The following CHCHD6 variants were observed in gnomAD, a reference collection of about 807,000 sequenced individuals.
The protein encoded by CHCHD6 is MICOS complex subunit MIC25.
Under a neutral mutation model 32.3 loss-of-function variants are expected in CHCHD6, and 28 were observed. That is an observed-to-expected ratio of 0.87 (90% CI 0.64 to 1.19). The LOEUF (loss-of-function observed/expected upper bound fraction) is 1.19, where lower values mean the gene tolerates loss of function less well. Among genes scored for constraint, CHCHD6 ranks in the 50% most tolerant of loss-of-function variants. CHCHD6 has a pLI of 0.00. For synonymous variants in CHCHD6, 122 were observed against 117.5 expected, an observed-to-expected ratio of 1.04 and a Z score of -0.25; for missense variants, 333 against 307.0, an observed-to-expected ratio of 1.08 and a Z score of -0.63.
chr3:126,883,219 A>G (rs907960957), intron 5 of CHCHD6, among the ~76,000 whole-genome samples: 7 of 151,972 alleles, frequency 4.6e-5, no homozygotes, highest in Non-Finnish European at 1.0e-4. Context: ...GAACTGGTAC[A>G]CCTCTGTGTT....
chr3:126,756,548 G>A lies in CHCHD6; in HGVS notation c.411+23326G>A, dbSNP rs543518886. 1.4e-4 allele frequency among the ~76,000 whole-genome samples: 21 copies of A among 152,192 alleles called. No individual in the cohort carries two copies. In the South Asian group the frequency reaches 3.7e-3, roughly 27 times the overall value. On this transcript the variant is annotated intron_variant, in intron 4 of 7. Transcript: ENST00000290913. ...CAGGATTGCCTCCCTTTATAAATCC[G>A]GGTCTCCCTACTCTGTCATACCCAC...
chr3:126,799,115 G>A (rs1478292593), intron 4 of CHCHD6, among the ~76,000 whole-genome samples: 1 of 152,182 alleles, frequency 6.6e-6, no homozygotes, highest in Non-Finnish European at 1.5e-5. Context: ...ATTTCCTGGA[G>A]CACAGCTTCC....
intron 4 of CHCHD6, chr3:126,766,901 C>T (rs754071223): frequency 1.1e-4 from 111 of 1,032,094 alleles, no homozygotes; most frequent in Non-Finnish European, 1.6e-4. Flanking sequence ...TCCTGCTCTG[C>T]GTGGCCCAGC....
intron 5 of CHCHD6, among the ~76,000 whole-genome samples, chr3:126,861,108 A>G (rs1017376305): frequency 2.0e-5 from 3 of 152,154 alleles, no homozygotes; most frequent in Non-Finnish European, 4.4e-5. Flanking sequence ...GTAATAAAGG[A>G]CATAACCTAC....
chr3:126,944,129 C>T (rs1170681501), intron 6 of CHCHD6, among the ~76,000 whole-genome samples: 1 of 152,210 alleles, frequency 6.6e-6, no homozygotes, highest in Non-Finnish European at 1.5e-5. Flanking sequence ...ACAGAATTTC[C>T]ACACACCTGG....
intron 5 of CHCHD6, among the ~76,000 whole-genome samples, chr3:126,884,976 T>C (rs2077660044): frequency 6.6e-6 from 1 of 152,164 alleles, no homozygotes; most frequent in South Asian, 2.1e-4. Flanking sequence ...ACTTCCTGAC[T>C]TCCTCTCCTC....
At chr3:126,922,721 G>T (rs1263268550) in intron 6 of CHCHD6, among the ~76,000 whole-genome samples, 1 of 152,004 alleles carries the variant, frequency 6.6e-6, no homozygotes, top group Non-Finnish European at 1.5e-5. Flanking sequence ...ATGTGTATGT[G>T]TGTGTGTGTG....
chr3:126,782,066 C>T (rs1362165152), intron 4 of CHCHD6, among the ~76,000 whole-genome samples: 1 of 152,126 alleles, frequency 6.6e-6, no homozygotes, highest in Non-Finnish European at 1.5e-5. Context: ...TGGTGGTAGT[C>T]ATTCGTGTGT....
At chr3:126,781,091 A>G (rs1289531550) in intron 4 of CHCHD6, among the ~76,000 whole-genome samples, 1 of 152,184 alleles carries the variant, frequency 6.6e-6, no homozygotes, top group Non-Finnish European at 1.5e-5. Context: ...TAGATTGGGC[A>G]CAGCTTCCCC....
chr3:126,900,798 T>G (rs547593734), intron 5 of CHCHD6, among the ~76,000 whole-genome samples: 3 of 152,174 alleles, frequency 2.0e-5, no homozygotes, highest in Admixed American at 2.0e-4. Flanking sequence ...GAAACGGGGT[T>G]TCTCCATGTT....
chr3:126,849,358 G>A (rs991022469), intron 4 of CHCHD6, among the ~76,000 whole-genome samples: 1 of 152,162 alleles, frequency 6.6e-6, no homozygotes, highest in Non-Finnish European at 1.5e-5. Context: ...GTTTGGTATT[G>A]GACACTTTAA....
chr3:126,794,703 C>T (rs988632781), intron 4 of CHCHD6, among the ~76,000 whole-genome samples: 5 of 152,084 alleles, frequency 3.3e-5, no homozygotes, highest in African/African-American at 1.2e-4. Context: ...AAAATATTCT[C>T]CTACTGTCTT....
intron 5 of CHCHD6, among the ~76,000 whole-genome samples, chr3:126,867,913 A>T (rs1942342735): frequency 6.6e-6 from 1 of 152,236 alleles, no homozygotes; most frequent in South Asian, 2.1e-4. Flanking sequence ...TCTAGAGTTC[A>T]TCAGTGGCTC....
At chr3:126,713,289 C>A (rs1247845226) in intron 1 of CHCHD6, among the ~76,000 whole-genome samples, 1 of 152,204 alleles carries the variant, frequency 6.6e-6, no homozygotes, top group East Asian at 1.9e-4. Flanking sequence ...TTTTGTCAGT[C>A]CTGCTCCCAG....
intron 4 of CHCHD6, among the ~76,000 whole-genome samples, chr3:126,841,051 C>A (rs1237795392): frequency 6.6e-6 from 1 of 151,698 alleles, no homozygotes; most frequent in Non-Finnish European, 1.5e-5. Context: ...CCACTCCCCT[C>A]ACCCCACAAC....
chr3:126,913,632 T>G (rs1365268054), intron 5 of CHCHD6, among the ~76,000 whole-genome samples: 1 of 152,144 alleles, frequency 6.6e-6, no homozygotes, highest in African/African-American at 2.4e-5. Context: ...CTGCCCCACC[T>G]CAGGTTGTTT....
intron 1 of CHCHD6, among the ~76,000 whole-genome samples, chr3:126,707,113 A>G (rs1468436536): frequency 1.3e-5 from 2 of 152,090 alleles, no homozygotes; most frequent in African/African-American, 4.8e-5. Context: ...CCAAAAATAC[A>G]AAAGTTAGCT....
chr3:126,910,457 A>C (rs982069078), intron 5 of CHCHD6, among the ~76,000 whole-genome samples: 1 of 152,066 alleles, frequency 6.6e-6, no homozygotes, highest in Non-Finnish European at 1.5e-5. Flanking sequence ...CTCCTGCCCC[A>C]TGCACAGCCC....
intron 5 of CHCHD6, among the ~76,000 whole-genome samples, chr3:126,893,229 T>A (rs2077790466): frequency 1.3e-5 from 2 of 152,222 alleles, no homozygotes; most frequent in African/African-American, 4.8e-5. Context: ...CCCAAAGTGC[T>A]GGGATTACAG....
Sources: allele counts gnomAD v4.1 joint callset (sites outside exome capture counted in the v4.1 genomes callset), GRCh38; gene constraint gnomAD v4.1.1; transcripts MANE v1.5; gene names NCBI Gene and HGNC (gene_info 2026-07-23, HGNC 2026-07-21).